The following PXDNL variants were observed in gnomAD, a reference collection of about 807,000 sequenced individuals.
PXDNL encodes probable oxidoreductase PXDNL.
In PXDNL, 145 loss-of-function variants were observed where a neutral mutation model predicts 150.8. The ratio of observed to expected loss-of-function variants is 0.96; its 90% CI spans 0.84 to 1.10. The LOEUF is 1.10. Ranked by LOEUF, PXDNL falls within the 50% of genes least tolerant of loss-of-function variation. PXDNL has a pLI of 0.00. For missense variants in PXDNL, 2,087 were observed against 1,873.9 expected (o/e 1.11, Z -2.10); for synonymous variants, 757 against 725.7 (o/e 1.04, Z -0.69).
rs538196783 is a variant in PXDNL, at chr8:51,465,787, T to C, written c.812+6400A>G. Among the ~76,000 whole-genome samples the C allele has an allele frequency of 3.3e-5, 5 of 152,200 alleles. No homozygotes were observed. The South Asian group carries it at 1.0e-3, about 32-fold the overall frequency. On this transcript the variant is annotated intron_variant, in intron 8 of 22. Transcript: ENST00000356297. Reference sequence around the variant, plus strand: ...GCTGAGAGCCACATCAAATATGTAATCTCACTTACAATAGCCACAAAAAGA... The same window carrying C: ...GCTGAGAGCCACATCAAATATGTAACCTCACTTACAATAGCCACAAAAAGA...
chr8:51,409,762 T>G (rs773660935), intron 16 of PXDNL, among the ~76,000 whole-genome samples: 30 of 149,286 alleles, frequency 2.0e-4, no homozygotes, highest in Non-Finnish European at 3.2e-4. Flanking sequence ...TTCCAGAAGA[T>G]CCCGGGATTA....
rs527855336 is a variant in PXDNL at position 51,352,718 on chromosome 8, A to T, written c.3902-6771T>A. 9.5e-4 allele frequency among the ~76,000 whole-genome samples: 145 copies of T among 152,324 alleles called. 2 individuals carry two copies. Among genetic ancestry groups the T allele is most frequent in the African/African-American group, 3.2e-3 (134 of 41,572 alleles). ...ATTTGTAAATTATCCAATCTCAGGT[A>T]GTACCTCTATAACAGTGTGGAAATG... On this transcript the variant is annotated intron_variant, in intron 19 of 22. Coordinates refer to ENST00000356297, the MANE Select transcript of PXDNL (RefSeq NM_144651.5).
At chr8:51,458,253 A>T (rs140210382) in intron 8 of PXDNL, among the ~76,000 whole-genome samples, 46 of 152,342 alleles carry the variant, frequency 3.0e-4, no homozygotes, top group African/African-American at 1.1e-3. Context: ...CCCATTTATC[A>T]ATTAAGTGCA....
chr8:51,715,993 T>A (rs1220780413), intron 1 of PXDNL, among the ~76,000 whole-genome samples: 1 of 152,194 alleles, frequency 6.6e-6, no homozygotes, highest in Admixed American at 6.5e-5. Flanking sequence ...ACCCTTTTGA[T>A]TTATAGATAT....
Position 51,535,245 on chromosome 8 carries a change from T to C in PXDNL, c.380+21595A>G, listed in dbSNP as rs1489885309. Among the ~76,000 whole-genome samples the C allele has an allele frequency of 1.0e-4, 13 of 129,866 alleles. 1 individual carries two copies. Among genetic ancestry groups the C allele is most frequent in the Admixed American group, 4.3e-4 (6 of 13,838 alleles). The allele number at this position is 129,866 out of a possible 152,430, so 85.2% of individuals were successfully genotyped here. A position where few individuals can be genotyped will look rare whatever the true frequency, so the allele number is the denominator to read the frequency against. On this transcript the variant is annotated intron_variant, in intron 4 of 22. Transcript: ENST00000356297. ...CCAGCGGCTCATTGGGGATGGGCCA[T>C]GATGACAATGGCGGTTTTGTGGAAT...
intron 8 of PXDNL, among the ~76,000 whole-genome samples, chr8:51,471,536 CT>C (rs144663100): frequency 0.039 from 5,982 of 152,218 alleles, 265 homozygotes; most frequent in East Asian, 0.25. Context: ...CAGTTTAAAT[CT>C]GAAACAACTT....
intron 8 of PXDNL, among the ~76,000 whole-genome samples, chr8:51,465,110 C>T (rs1031013017): frequency 7.2e-5 from 11 of 152,012 alleles, no homozygotes; most frequent in Non-Finnish European, 2.9e-5. Flanking sequence ...AAAAAGGAAA[C>T]CATGGGCCAG....
intron 2 of PXDNL, among the ~76,000 whole-genome samples, chr8:51,598,168 A>G (rs76621378): frequency 0.013 from 1,981 of 152,320 alleles, 49 homozygotes; most frequent in African/African-American, 0.042. Context: ...GCATAAAATC[A>G]TATTGTCCAC....
At chr8:51,495,958 C>T (rs1180644499) in intron 5 of PXDNL, among the ~76,000 whole-genome samples, 1 of 152,112 alleles carries the variant, frequency 6.6e-6, no homozygotes, top group Non-Finnish European at 1.5e-5. Context: ...GATACCAAAG[C>T]CTGGCAGAGA....
chr8:51,655,401 G>A (rs1357064523), intron 1 of PXDNL, among the ~76,000 whole-genome samples: 3 of 152,092 alleles, frequency 2.0e-5, no homozygotes, highest in Non-Finnish European at 4.4e-5. Flanking sequence ...AGCAAGATAG[G>A]GTCCCTGCTA....
chr8:51,346,044 C>A, intron 19 of PXDNL, 97 bp from the exon 20 acceptor site: 1 of 726,000 alleles, frequency 1.4e-6, no homozygotes, highest in Non-Finnish European at 2.4e-6. Context: ...GGCAAGAGTA[C>A]CAAGAAGAAA....
chr8:51,411,000 G>A (rs1032550659), intron 16 of PXDNL, among the ~76,000 whole-genome samples: 1 of 152,166 alleles, frequency 6.6e-6, no homozygotes, highest in Non-Finnish European at 1.5e-5. Context: ...ACTTAATGTA[G>A]GTTCCCTAGA....
intron 1 of PXDNL, among the ~76,000 whole-genome samples, chr8:51,734,541 A>C (rs1023513474): frequency 6.6e-6 from 1 of 152,374 alleles, no homozygotes; most frequent in African/African-American, 2.4e-5. Context: ...TTTATATGAC[A>C]ATCTTAACAT....
At position 51,409,069 on chromosome 8, in the gene PXDNL, G is replaced by T. The variant is rs1293373999; in HGVS notation, c.2555C>A (p.Pro852His). Residue 852 changes from proline to histidine, a missense_variant, in exon 17 of 23, where the codon CCC becomes CAC. By Grantham distance (77) the Pro-to-His change is moderately conservative. Transcript: ENST00000356297. ...CFPMNTRHAD[P>H]RGTHAPCMLF... The stretch of plus-strand genomic sequence containing the variant: ...CATGCAGGGCGCGTGGGTGCCCCGG[G>T]GGTCGGCGTGCCGGGTGTTCATGGG... The T allele has an allele frequency of 2.5e-6, 4 of 1,609,452 alleles. No homozygotes were observed. The African/African-American group carries it at 5.3e-5, about 21-fold the overall frequency.
chr8:51,650,011 G>A (rs1201712931), intron 2 of PXDNL, among the ~76,000 whole-genome samples: 3 of 150,068 alleles, frequency 2.0e-5, no homozygotes, highest in Non-Finnish European at 2.9e-5. Flanking sequence ...GCTGAGGCAG[G>A]AGAATCACTT....
At chr8:51,433,156 C>G (rs932352442) in intron 12 of PXDNL, among the ~76,000 whole-genome samples, 47 of 151,318 alleles carry the variant, frequency 3.1e-4, no homozygotes, top group African/African-American at 1.0e-3. Context: ...TTGCGGTGAG[C>G]GGAGGTCGCA....
intron 17 of PXDNL, among the ~76,000 whole-genome samples, chr8:51,383,416 G>A (rs1038485103): frequency 6.6e-6 from 1 of 152,160 alleles, no homozygotes; most frequent in South Asian, 2.1e-4. Context: ...GATGGCATCC[G>A]AGGGCATTGT....
intron 8 of PXDNL, among the ~76,000 whole-genome samples, chr8:51,468,784 T>G (rs1004843462): frequency 7.2e-5 from 11 of 151,990 alleles, no homozygotes; most frequent in African/African-American, 2.7e-4. Flanking sequence ...TTAACAGAAT[T>G]CACAGTATCA....
chr8:51,343,412 T>A (rs16916019), intron 20 of PXDNL, among the ~76,000 whole-genome samples: 3,643 of 152,270 alleles, frequency 0.024, 154 homozygotes, highest in African/African-American at 0.08. Context: ...TCTTCTTACC[T>A]TTTTATTGTC....
Sources: allele counts gnomAD v4.1 joint callset (sites outside exome capture counted in the v4.1 genomes callset), GRCh38; gene constraint gnomAD v4.1.1; transcripts MANE v1.5; gene names NCBI Gene and HGNC (gene_info 2026-07-23, HGNC 2026-07-21).